PCDHGB4: variants seen among roughly 807,000 people sequenced by gnomAD.
PCDHGB4 encodes protocadherin gamma subfamily B, 4.
PCDHGB4 carries 38 observed loss-of-function variants against 60.5 expected under a neutral mutation model. The ratio of observed to expected loss-of-function variants is 0.63; its 90% CI spans 0.48 to 0.82. The LOEUF (loss-of-function observed/expected upper bound fraction) is 0.82. Ranked by LOEUF, PCDHGB4 falls within the 40% of genes least tolerant of loss-of-function variation. PCDHGB4 has a pLI of 0.00. For missense variants in PCDHGB4, 1,109 were observed against 1,209.6 expected, an observed-to-expected ratio of 0.92 and a Z score of 1.23; for synonymous variants, 456 against 509.7, an observed-to-expected ratio of 0.89 and a Z score of 1.42.
chr5:141,428,857 A>C (rs2097165548), intron 1 of PCDHGB4: 1 of 140,386 alleles, frequency 7.1e-6, no homozygotes, highest in Non-Finnish European at 1.5e-5. Context: ...TTTTTACGGG[A>C]GACTTTTTTT....
rs2099410057 is a variant in PCDHGB4, at chr5:141,477,370, G to C, written c.2398-17437G>C. The C allele has an allele frequency of 6.2e-7, 1 of 1,614,054 alleles. No homozygotes were observed. On this transcript the variant is annotated intron_variant, in intron 1 of 3. Coordinates refer to ENST00000519479, the MANE Select transcript of PCDHGB4 (RefSeq NM_003736.4). This position sits in a 1 kb window ranked among gnomAD's most constrained non-coding sequence, Gnocchi z 4.9. The stretch of plus-strand genomic sequence containing the variant: ...AAACCAGTGCAGACCTGGATCGGGA[G>C]ACTGTGCCAGAATACAACCTCAGCA...
chr5:141,456,301 C>CA (rs761557752), intron 1 of PCDHGB4, among the ~76,000 whole-genome samples: 14 of 152,154 alleles, frequency 9.2e-5, no homozygotes, highest in Non-Finnish European at 1.6e-4. Flanking sequence ...TAATGGAGAA[C>CA]AGCAGCTAGG....
chr5:141,486,608 G>A lies in PCDHGB4; in HGVS notation c.2398-8199G>A. On this transcript the variant is annotated intron_variant, in intron 1 of 3. Transcript: ENST00000519479. The surrounding 1 kb of genome is among the most constrained non-coding windows in gnomAD (Gnocchi z 5.0). ...AGGGGACCTGCTTTGCTCCCTTGCAGCCTCTGACCCAGACTCTGGCTTGAA... is the reference window on the plus strand; with the variant it reads ...AGGGGACCTGCTTTGCTCCCTTGCAACCTCTGACCCAGACTCTGGCTTGAA... 3 of 1,613,546 alleles carry A rather than the reference G, an allele frequency of 1.9e-6. No homozygotes were observed. The highest frequency in any genetic ancestry group is 2.5e-6 in the Non-Finnish European group (3 of 1,180,024).
chr5:141,487,001 C>T lies in PCDHGB4; in HGVS notation c.2398-7806C>T. ...TTACAATGCTTGGGTTTCCTATCAG[C>T]TCCTGGAGGCCCCAGATCCCAGCCT... On this transcript the variant is annotated intron_variant, in intron 1 of 3. Transcript: ENST00000519479. This position sits in a 1 kb window ranked among gnomAD's most constrained non-coding sequence, Gnocchi z 5.0. 6.2e-7 allele frequency: 1 copy of T among 1,614,218 alleles called. No individual in the cohort carries two copies. The highest frequency in any genetic ancestry group is 8.5e-7 in the Non-Finnish European group (1 of 1,180,038).
chr5:141,502,242 CT>C (rs989546500), intron 2 of PCDHGB4, among the ~76,000 whole-genome samples: 27 of 151,950 alleles, frequency 1.8e-4, no homozygotes, highest in African/African-American at 6.3e-4. Context: ...TTCTTTTATC[CT>C]TTTTTTTAAT....
At chr5:141,399,758 T>G in intron 1 of PCDHGB4, 1 of 1,613,334 alleles carries the variant, frequency 6.2e-7, no homozygotes, top group Non-Finnish European at 8.5e-7. Context: ...AACGTGAGCC[T>G]GCGCGTGTTG....
rs143317584 is a variant in PCDHGB4 at position 141,432,282 on chromosome 5, A to G, written c.2397+42001A>G. 5.0e-5 allele frequency: 81 copies of G among 1,613,850 alleles called. No homozygotes were observed. The African/African-American group carries it at 6.4e-4, about 13-fold the overall frequency. ...AGCCTATCGTCCTACGTGTCCATCAACTCCGACACTGGGGTACTGTATGCG... is the reference window on the plus strand; with the variant it reads ...AGCCTATCGTCCTACGTGTCCATCAGCTCCGACACTGGGGTACTGTATGCG... On this transcript the variant is annotated intron_variant, in intron 1 of 3. Transcript: ENST00000519479. This position sits in a 1 kb window ranked among gnomAD's most constrained non-coding sequence, Gnocchi z 6.0.
chr5:141,392,810 A>C (rs772526220), intron 1 of PCDHGB4: 1 of 1,580,390 alleles, frequency 6.3e-7, no homozygotes, highest in South Asian at 1.2e-5. Flanking sequence ...GCAGCAAAAC[A>C]ACAATGGCCG....
At chr5:141,402,945 A>T (rs2094324619) in intron 1 of PCDHGB4, 2 of 1,593,720 alleles carry the variant, frequency 1.3e-6, no homozygotes, top group Admixed American at 3.6e-5. Flanking sequence ...TTCCAAAGCG[A>T]GGCAGCAATG....
chr5:141,481,877 G>A (rs535267598), intron 1 of PCDHGB4, among the ~76,000 whole-genome samples: 4 of 144,402 alleles, frequency 2.8e-5, no homozygotes, highest in African/African-American at 7.8e-5. Context: ...TCGCGCCACT[G>A]CACTCCAGCC....
chr5:141,410,682 C>T (rs1589771736), intron 1 of PCDHGB4: 2 of 1,531,954 alleles, frequency 1.3e-6, no homozygotes, highest in South Asian at 1.2e-5. Context: ...ATATTTTAGG[C>T]ATACTACTTT....
chr5:141,410,234 CG>C, intron 1 of PCDHGB4: 1 of 1,613,984 alleles, frequency 6.2e-7, no homozygotes, highest in Non-Finnish European at 8.5e-7. Context: ...CCTCAGCGAC[CG>C]CCCTGTACTC....
chr5:141,423,648 G>T, intron 1 of PCDHGB4: 1 of 1,590,008 alleles, frequency 6.3e-7, no homozygotes, highest in Admixed American at 1.8e-5. Context: ...AATGTGACCC[G>T]ACAAGTAATC....
chr5:141,404,787 G>A (rs1561696267), intron 1 of PCDHGB4: 23 of 1,613,988 alleles, frequency 1.4e-5, no homozygotes, highest in Non-Finnish European at 1.9e-5. Context: ...TTCAAGGCCA[G>A]TGAGCCAGGG....
At chr5:141,414,118 G>C (rs559064215) in intron 1 of PCDHGB4, 1 of 1,592,490 alleles carries the variant, frequency 6.3e-7, no homozygotes, top group Admixed American at 1.8e-5. Flanking sequence ...AGATTATGAA[G>C]AAACCGGTTT....
intron 1 of PCDHGB4, among the ~76,000 whole-genome samples, chr5:141,458,982 C>G (rs2098958289): frequency 6.6e-6 from 1 of 152,164 alleles, no homozygotes; most frequent in Admixed American, 6.5e-5. Flanking sequence ...GTCCTCCTGC[C>G]TCACCCTCCC....
chr5:141,485,986 G>T lies in PCDHGB4; in HGVS notation c.2398-8821G>T, dbSNP rs2099622467. The T allele has an allele frequency of 1.2e-6, 2 of 1,614,084 alleles. No homozygotes were observed. Among genetic ancestry groups the T allele is most frequent in the African/African-American group, 1.3e-5 (1 of 74,936 alleles). On this transcript the variant is annotated intron_variant, in intron 1 of 3. Transcript: ENST00000519479. This position sits in a 1 kb window ranked among gnomAD's most constrained non-coding sequence, Gnocchi z 5.7. ...AGCTCAATGCCTCAGACCCGGACCT[G>T]GGTCCCAGTGGTAACGTCACCTTTT...
intron 1 of PCDHGB4, among the ~76,000 whole-genome samples, chr5:141,401,328 G>A (rs919361243): frequency 3.3e-5 from 5 of 151,962 alleles, no homozygotes; most frequent in Non-Finnish European, 7.4e-5. Context: ...GGCAACAAGA[G>A]CAAAACTCCA....
rs200317374 is a variant in PCDHGB4 at position 141,408,395 on chromosome 5, A to G, written c.2397+18114A>G. On this transcript the variant is annotated intron_variant, in intron 1 of 3. Coordinates refer to ENST00000519479, the MANE Select transcript of PCDHGB4 (RefSeq NM_003736.4). ...CAGTGTCCTGGATGTGTCGGCTCGC[A>G]AGCTGCGAGTGAGCGCGGAGAAGCT... 8.8e-3 allele frequency: 14,159 copies of G among 1,613,888 alleles called. 310 individuals are homozygous for G. Among genetic ancestry groups the G allele is most frequent in the South Asian group, 0.064 (5,857 of 91,072 alleles).
Sources: allele counts gnomAD v4.1 joint callset (sites outside exome capture counted in the v4.1 genomes callset), GRCh38; gene constraint gnomAD v4.1.1; non-coding constraint Gnocchi (gnomAD v3.1); transcripts MANE v1.5; gene names NCBI Gene and HGNC (gene_info 2026-07-23, HGNC 2026-07-21).